CYFIP1: variants seen among roughly 807,000 people sequenced by gnomAD.
CYFIP1 encodes cytoplasmic FMR1-interacting protein 1.
In CYFIP1, 58 loss-of-function variants were observed where a neutral mutation model predicts 163.5. The ratio of observed to expected loss-of-function variants is 0.35; its 90% confidence interval spans 0.29 to 0.44. The LOEUF (loss-of-function observed/expected upper bound fraction) is 0.44, where lower values mean the gene tolerates loss of function less well. CYFIP1 is among the 20% of genes least tolerant of loss of function. The pLI is 1.00. For missense variants in CYFIP1, 1,338 were observed against 1,653.8 expected (o/e 0.81, Z 3.31); for synonymous variants, 663 against 660.7 (o/e 1.00, Z -0.05).
At chr15:22,937,229 T>C (rs1371775391) in intron 8 of CYFIP1, 21 bp from the exon 9 acceptor site, 5 of 1,433,832 alleles carry the variant, frequency 3.5e-6, no homozygotes, top group Non-Finnish European at 4.9e-6. Context: ...ACAAAATGAA[T>C]GATGCGACAA....
chr15:22,973,686 G>C (rs2063175176), intron 1 of CYFIP1, among the ~76,000 whole-genome samples: 1 of 151,938 alleles, frequency 6.6e-6, no homozygotes, highest in African/African-American at 2.4e-5. Context: ...AAAAGCAAAG[G>C]CCACAAAAGA....
Position 22,867,148 on chromosome 15 carries a change from G to A in CYFIP1, c.*2880C>T, listed in dbSNP as rs2059151210. 2.2e-6 allele frequency: 1 copy of A among 444,866 alleles called. No homozygotes were observed. Among genetic ancestry groups the A allele is most frequent in the African/African-American group, 2.0e-5 (1 of 49,042 alleles). The allele number at this position is 444,866 out of a possible 1,614,324, so 27.6% of individuals were successfully genotyped here. ...ATGACAGTTTTAAGTCTATGAAAAT[G>A]CTTTATTTTTTCATTGGTGATGAAA... On this transcript the variant is annotated 3_prime_UTR_variant, in exon 31 of 31. Transcript: ENST00000617928.
chr15:22,940,079 C>T (rs1364058601), intron 6 of CYFIP1, among the ~76,000 whole-genome samples: 1 of 152,192 alleles, frequency 6.6e-6, no homozygotes. Context: ...CAAGGCCATG[C>T]TAAGCCTGCG....
chr15:22,969,907 A>G (rs2063033485), intron 1 of CYFIP1, among the ~76,000 whole-genome samples: 2 of 152,214 alleles, frequency 1.3e-5, no homozygotes, highest in South Asian at 4.1e-4. Context: ...GACAAAAATT[A>G]CTACAAACAT....
chr15:22,873,693 T>G lies in CYFIP1; in HGVS notation c.3247A>C (p.Lys1083Gln). 1 of 1,613,938 alleles carries G rather than the reference T, an allele frequency of 6.2e-7. No homozygotes were observed. The highest frequency in any genetic ancestry group is 8.5e-7 in the Non-Finnish European group (1 of 1,179,776). Residue 1083 changes from lysine (K) to glutamine (Q), a missense_variant, in exon 29 of 31, where the codon AAG becomes CAG. Coordinates refer to ENST00000617928, the MANE Select transcript of CYFIP1 (RefSeq NM_014608.6). ...GACAGGCCGCAGCAGAGGCGCTCCT[T>G]TGTCAGCAGGTCCCCCTCTCTTGCG... ...AIAREGDLLTKERLCCGLSMF... is the reference protein window; with the variant it reads ...AIAREGDLLTQERLCCGLSMF...
chr15:22,877,768 G>A (rs2059627458), intron 26 of CYFIP1, among the ~76,000 whole-genome samples: 1 of 152,176 alleles, frequency 6.6e-6, no homozygotes, highest in Admixed American at 6.5e-5. Context: ...AAGGCCTGGG[G>A]CTGCTGCAGT....
intron 4 of CYFIP1, 96 bp downstream of exon 4, chr15:22,944,766 G>C: frequency 1.3e-6 from 2 of 1,520,720 alleles, no homozygotes; most frequent in South Asian, 1.1e-5. Context: ...TGAGAACTGG[G>C]AGGAGAGTGG....
rs1211705071 is a variant in CYFIP1, at chr15:22,868,990, T to C, written c.*1038A>G. On this transcript the variant is annotated 3_prime_UTR_variant, in exon 31 of 31. Transcript: ENST00000617928. ...CTTAGTACTTTTTAAAATATGGCTT[T>C]AGTTTCTCAAACATGTTCGTGACTC... The C allele has an allele frequency of 1.3e-5, 2 of 152,234 alleles. No individual in the cohort carries two copies. Among genetic ancestry groups the C allele is most frequent in the African/African-American group, 2.4e-5 (1 of 41,458 alleles). The allele number at this position is 152,234 out of a possible 1,614,324, so 9.4% of individuals were successfully genotyped here.
At chr15:22,969,400 T>C (rs1048874436) in intron 1 of CYFIP1, among the ~76,000 whole-genome samples, 1 of 152,176 alleles carries the variant, frequency 6.6e-6, no homozygotes, top group Non-Finnish European at 1.5e-5. Context: ...TTGTGCTGAA[T>C]AGCACAGATG....
intron 1 of CYFIP1, among the ~76,000 whole-genome samples, chr15:22,956,880 C>G (rs979299253): frequency 6.6e-6 from 1 of 152,256 alleles, no homozygotes. Flanking sequence ...TTGTATTTTA[C>G]CACATTAGAG....
chr15:22,875,375 T>C, intron 26 of CYFIP1, 104 bp from the exon 27 acceptor site: 2 of 934,368 alleles, frequency 2.1e-6, no homozygotes, highest in East Asian at 2.4e-5. Context: ...TAAAATAAAC[T>C]CTGTAAGTTT....
chr15:22,930,789 G>A (rs564320977), intron 11 of CYFIP1, among the ~76,000 whole-genome samples: 2 of 152,230 alleles, frequency 1.3e-5, no homozygotes, highest in African/African-American at 4.8e-5. Context: ...CTTTTTAAAA[G>A]TAAAAAGTTT....
intron 1 of CYFIP1, among the ~76,000 whole-genome samples, chr15:22,969,274 A>T (rs1248058271): frequency 6.6e-6 from 1 of 151,844 alleles, no homozygotes; most frequent in Non-Finnish European, 1.5e-5. Context: ...AACAGACATC[A>T]CCTCTGCCCC....
At chr15:22,879,135 CAAAA>C (rs11356601) in intron 26 of CYFIP1, among the ~76,000 whole-genome samples, 2 of 130,312 alleles carry the variant, frequency 1.5e-5, no homozygotes. Flanking sequence ...GACTCCGTCT[CAAAA>C]AAAAAAAAAA....
chr15:22,966,627 G>T (rs1407180295), intron 1 of CYFIP1, among the ~76,000 whole-genome samples: 2 of 152,042 alleles, frequency 1.3e-5, no homozygotes, highest in African/African-American at 2.4e-5. Flanking sequence ...CTTAGGAGGG[G>T]TTTGTTCCTG....
In CYFIP1 at chr15:22,920,873, C is replaced by T. The variant is rs143925515; in HGVS notation, c.1360-2015G>A. On this transcript the variant is annotated intron_variant, in intron 13 of 30. Transcript: ENST00000617928. ...GAAAAGTTCTATTTAAAAAACCAAA[C>T]GAGGAAAAACCCATTTAAGTGAACA... Among the ~76,000 whole-genome samples the T allele has an allele frequency of 5.5e-4, 84 of 152,114 alleles. No homozygotes were observed. The East Asian group carries it at 7.0e-3, about 13-fold the overall frequency.
rs923008771 is a variant in CYFIP1 at position 22,963,068 on chromosome 15, C to A, written c.-6-15777G>T. ...TAGTGGACAAGTGTCCTGTGGCACA[C>A]AAGAGAACATCCTCATTCTTAGGAA... On this transcript the variant is annotated intron_variant, in intron 1 of 30. Coordinates refer to ENST00000617928, the MANE Select transcript of CYFIP1 (RefSeq NM_014608.6). 1.1e-4 allele frequency among the ~76,000 whole-genome samples: 17 copies of A among 152,184 alleles called. 1 individual carries two copies. Among genetic ancestry groups the A allele is most frequent in the African/African-American group, 3.9e-4 (16 of 41,430 alleles).
rs116420052 is a variant in CYFIP1, at chr15:22,916,791, C to T, written c.1675-161G>A. On this transcript the variant is annotated intron_variant, in intron 15 of 30. Transcript: ENST00000617928. The stretch of plus-strand genomic sequence containing the variant: ...GGGTCCGGGTGCCTGTCTACGCGGC[C>T]ACGTTGCTGCTGCTTTGGGGAAAGA... The T allele has an allele frequency of 3.7e-4, 584 of 1,581,526 alleles. 2 individuals carry two copies. In the African/African-American group the frequency reaches 7.3e-3, roughly 20 times the overall value.
rs1306795278 is a variant in CYFIP1, at chr15:22,867,633, GTCAT to G, written c.*2391_*2394del. Reference sequence around the variant, plus strand: ...GTATATTTTCATAATGAGTTATATTGTCATTTAGACTTTGAACAGCTCTGGGAAA... The same window carrying G: ...GTATATTTTCATAATGAGTTATATTGTTAGACTTTGAACAGCTCTGGGAAA... On this transcript the variant is annotated 3_prime_UTR_variant, in exon 31 of 31. Coordinates refer to ENST00000617928, the MANE Select transcript of CYFIP1 (RefSeq NM_014608.6). The G allele has an allele frequency of 5.8e-5, 9 of 156,246 alleles. No homozygotes were observed. Among genetic ancestry groups the G allele is most frequent in the Non-Finnish European group, 1.3e-4 (9 of 70,924 alleles). 9.7% of individuals were successfully genotyped at this position (156,246 alleles called of 1,614,324 possible). A position where few individuals can be genotyped will look rare whatever the true frequency, so the allele number is the denominator to read the frequency against.
Sources: allele counts gnomAD v4.1 joint callset (sites outside exome capture counted in the v4.1 genomes callset), GRCh38; gene constraint gnomAD v4.1.1; transcripts MANE v1.5; gene names NCBI Gene and HGNC (gene_info 2026-07-23, HGNC 2026-07-21).